Variants in PRSS54 observed in about 807,000 individuals in gnomAD.
PRSS54 encodes the protein serine protease 54.
PRSS54 carries 16 observed loss-of-function variants against 19.9 expected under a neutral mutation model. The ratio of observed to expected loss-of-function variants is 0.80; its 90% CI spans 0.54 to 1.22. PRSS54 has a LOEUF of 1.22. PRSS54 is among the 50% of genes most tolerant of loss of function. The pLI is 0.00. For missense variants in PRSS54, 444 were observed against 494.8 expected (o/e 0.90, Z 0.97); for synonymous variants, 177 against 195.8 (o/e 0.90, Z 0.80).
intron 4 of PRSS54, among the ~76,000 whole-genome samples, chr16:58,290,171 T>C (rs1965008479): frequency 6.7e-6 from 1 of 149,804 alleles, no homozygotes; most frequent in Non-Finnish European, 1.5e-5. Flanking sequence ...ATTATGTATA[T>C]ATATATTTAT....
In PRSS54 at chr16:58,287,244, C is replaced by T. The variant is rs117109595; in HGVS notation, c.264-1049G>A. ...TATCTCTATAGTTTGGAGTAGTTAA[C>T]ACTGAGACATAGTTCTGGTCAGGTC... On this transcript the variant is annotated intron_variant, in intron 4 of 6. Transcript: ENST00000567164. 1.5e-4 allele frequency among the ~76,000 whole-genome samples: 23 copies of T among 152,234 alleles called. No individual in the cohort carries two copies. In the East Asian group the frequency reaches 4.2e-3, roughly 28 times the overall value.
At chr16:58,280,888 G>T in intron 6 of PRSS54, 131 bp from the exon 7 acceptor site, 1 of 807,730 alleles carries the variant, frequency 1.2e-6, no homozygotes, top group Non-Finnish European at 1.9e-6. Context: ...GCAAATTATA[G>T]GATACAATTT....
intron 4 of PRSS54, among the ~76,000 whole-genome samples, chr16:58,288,670 T>G (rs998752288): frequency 2.6e-5 from 4 of 152,170 alleles, no homozygotes. Context: ...CACTTGCATG[T>G]GTGTGAAATA....
chr16:58,282,521 A>G (rs888866028), intron 6 of PRSS54: 1 of 152,340 alleles, frequency 6.6e-6, no homozygotes, highest in Admixed American at 6.5e-5. Flanking sequence ...CATGGGAGCA[A>G]CTCCGTGGGC....
intron 4 of PRSS54, 22 bp downstream of exon 4, chr16:58,290,937 C>A: frequency 6.2e-7 from 1 of 1,611,956 alleles, no homozygotes. Context: ...ATGTTGCGGG[C>A]CCCAAAGGCA....
At chr16:58,293,900 C>A in intron 2 of PRSS54, 78 bp from the exon 3 acceptor site, 2 of 1,202,420 alleles carry the variant, frequency 1.7e-6, no homozygotes, top group Non-Finnish European at 2.4e-6. Context: ...TTTCCATCCT[C>A]TTCCCAAACA....
chr16:58,281,101 T>C (rs935960039), intron 6 of PRSS54: 15 of 256,996 alleles, frequency 5.8e-5, no homozygotes, highest in African/African-American at 3.3e-4. Context: ...TGTTTTGTCC[T>C]GAAATGCTCA....
rs1410661992 is a variant in PRSS54, at chr16:58,284,656, G to A, written c.588C>T (p.Pro196=). The A allele has an allele frequency of 6.2e-7, 1 of 1,614,038 alleles. No individual in the cohort carries two copies. The highest frequency in any genetic ancestry group is 1.7e-5 in the Admixed American group (1 of 59,996). ...KIFVKDLDMC[P]LYKLQKTECG... ...ATTCTGTCTTCTGGAGTTTGTATAG[G>A]GGACACATGTCAAGATCTTTCACGA... is the stretch of plus-strand genomic sequence containing the variant. Residue 196 remains proline, a synonymous_variant, in exon 6 of 7, where the codon CCC becomes CCT. Coordinates refer to ENST00000567164, the MANE Select transcript of PRSS54 (RefSeq NM_001305173.2).
chr16:58,284,385 T>C, intron 6 of PRSS54: 1 of 523,994 alleles, frequency 1.9e-6, no homozygotes, highest in Non-Finnish European at 3.4e-6. Flanking sequence ...CATGTTACAC[T>C]GAAAATCGTG....
chr16:58,282,482 C>T (rs1964789010), intron 6 of PRSS54: 1 of 152,342 alleles, frequency 6.6e-6, no homozygotes, highest in Admixed American at 6.5e-5. Context: ...GAAGCCACAC[C>T]AGAACAGAGA....
Position 58,285,968 on chromosome 16 carries a change from C to T in PRSS54, c.491G>A (p.Cys164Tyr). Residue 164 changes from cysteine to tyrosine, a missense_variant, in exon 5 of 7, where the codon TGC (cysteine) becomes TAC (tyrosine). Physicochemically the swap from Cys to Tyr is radical, Grantham distance 194. Transcript: ENST00000567164. ...TGTGGGATTCCATCCTGACACCCAGCAGTTCTGCAAGACTGGTGGTGTATG... is the reference window on the plus strand; with the variant it reads ...TGTGGGATTCCATCCTGACACCCAGTAGTTCTGCAAGACTGGTGGTGTATG... ...MLHTPPVLQN[C>Y]WVSGWNPTSA... 6.2e-7 allele frequency: 1 copy of T among 1,614,202 alleles called. No homozygotes were observed. The highest frequency in any genetic ancestry group is 8.5e-7 in the Non-Finnish European group (1 of 1,180,038).
At chr16:58,284,813 G>T in intron 5 of PRSS54, 92 bp from the exon 6 acceptor site, 1 of 1,367,630 alleles carries the variant, frequency 7.3e-7, no homozygotes, top group Non-Finnish European at 9.8e-7. Context: ...AAACGAGAGT[G>T]AGAATTTTTT....
At chr16:58,292,032 G>A (rs367586522) in intron 3 of PRSS54, among the ~76,000 whole-genome samples, 15 of 151,960 alleles carry the variant, frequency 9.9e-5, no homozygotes, top group East Asian at 5.8e-4. Flanking sequence ...GGGTTCAAGC[G>A]ACTCCCCTGC....
chr16:58,291,364 A>G (rs1965036189), intron 3 of PRSS54, among the ~76,000 whole-genome samples: 3 of 152,224 alleles, frequency 2.0e-5, no homozygotes, highest in African/African-American at 7.2e-5. Context: ...AACGGTACAC[A>G]TTGGCAGTGT....
chr16:58,280,194 A>T lies in PRSS54; in HGVS notation c.*30T>A, dbSNP rs2142614769. The T allele has an allele frequency of 1.3e-6, 2 of 1,574,358 alleles. No homozygotes were observed. Among genetic ancestry groups the T allele is most frequent in the East Asian group, 4.5e-5 (2 of 44,572 alleles). On this transcript the variant is annotated 3_prime_UTR_variant, in exon 7 of 7. Coordinates refer to ENST00000567164, the MANE Select transcript of PRSS54 (RefSeq NM_001305173.2). Reference sequence around the variant, plus strand: ...GCCTGGCACTCAGCATTCTCAGTTTACTCTTCAGTTTGGTGGGGTAGCTCC... The same window carrying T: ...GCCTGGCACTCAGCATTCTCAGTTTTCTCTTCAGTTTGGTGGGGTAGCTCC...
chr16:58,285,241 A>G (rs1009357542), intron 5 of PRSS54: 4 of 156,824 alleles, frequency 2.6e-5, no homozygotes, highest in Admixed American at 2.4e-4. Flanking sequence ...CTCCTCTTCT[A>G]GAGAGTATCC....
At chr16:58,283,777 C>T (rs1964843237) in intron 6 of PRSS54, 2 of 152,264 alleles carry the variant, frequency 1.3e-5, no homozygotes, top group South Asian at 2.1e-4. Flanking sequence ...GAAGGGCAAA[C>T]ATATTTCTTA....
At chr16:58,281,727 C>T (rs16960035) in intron 6 of PRSS54, 15,808 of 152,282 alleles carry the variant, frequency 0.1, 914 homozygotes, top group Admixed American at 0.13. Context: ...GGAATGGGGC[C>T]GCAATTAACA....
intron 4 of PRSS54, among the ~76,000 whole-genome samples, chr16:58,288,218 G>C (rs957124359): frequency 2.0e-5 from 3 of 152,204 alleles, no homozygotes; most frequent in African/African-American, 2.4e-5. Flanking sequence ...CTGAGACCAG[G>C]AGTTTGAGAC....
Sources: allele counts gnomAD v4.1 joint callset (sites outside exome capture counted in the v4.1 genomes callset), GRCh38; gene constraint gnomAD v4.1.1; transcripts MANE v1.5; gene names NCBI Gene and HGNC (gene_info 2026-07-23, HGNC 2026-07-21).